Variants in ZNF540 observed in about 807,000 individuals in gnomAD.
ZNF540 encodes the protein zinc finger protein 540.
A neutral mutation model predicts 11.8 loss-of-function variants in ZNF540; 3 were observed. The observed-to-expected ratio is 0.25, with a 90% CI of 0.12 to 0.65. The LOEUF is 0.65. ZNF540 is among the 30% of genes least tolerant of loss of function. The probability of loss-of-function intolerance (pLI) is 0.83; values close to 1 mark genes in which losing one functional copy is unlikely to be tolerated. For missense variants in ZNF540, 709 were observed against 793.1 expected (o/e 0.89, Z 1.27); for synonymous variants, 247 against 259.0 (o/e 0.95, Z 0.45).
chr19:37,562,528 G>GCAC (rs1423127154), intron 1 of ZNF540: 1 of 152,110 alleles, frequency 6.6e-6, no homozygotes, highest in East Asian at 1.9e-4. Flanking sequence ...TGAGTTCTGT[G>GCAC]CACCAGATGC....
intron 1 of ZNF540, among the ~76,000 whole-genome samples, chr19:37,580,899 C>G (rs2043433371): frequency 6.6e-6 from 1 of 152,170 alleles, no homozygotes; most frequent in Non-Finnish European, 1.5e-5. Context: ...CCTCAGGTAT[C>G]CTTTATAGTA....
Position 37,599,269 on chromosome 19 carries a change from A to G in ZNF540, c.10-357A>G, listed in dbSNP as rs146542458. Among the ~76,000 whole-genome samples the G allele has an allele frequency of 4.9e-3, 739 of 152,278 alleles. 8 individuals carry two copies. Among genetic ancestry groups the G allele is most frequent in the African/African-American group, 0.017 (688 of 41,568 alleles). On this transcript the variant is annotated intron_variant, in intron 2 of 4. Transcript: ENST00000316433. ...TTAAGTGGTTTTTCTTAAAGTATTT[A>G]TTATTAAGTAATAATTTATTGAGAA...
chr19:37,605,686 G>C (rs1468950050), intron 4 of ZNF540, among the ~76,000 whole-genome samples: 1 of 152,076 alleles, frequency 6.6e-6, no homozygotes, highest in African/African-American at 2.4e-5. Context: ...TGGCTATATT[G>C]TTTGGCATTC....
chr19:37,565,859 G>A (rs1568341564), intron 1 of ZNF540: 2 of 1,613,866 alleles, frequency 1.2e-6, no homozygotes, highest in Non-Finnish European at 8.5e-7. Flanking sequence ...TTTCTCACCA[G>A]TCTGAATTCT....
At chr19:37,601,979 A>G (rs2044042923) in intron 4 of ZNF540, among the ~76,000 whole-genome samples, 1 of 152,220 alleles carries the variant, frequency 6.6e-6, no homozygotes, top group Non-Finnish European at 1.5e-5. Context: ...TTAAATGATC[A>G]CTGTAGATGC....
At chr19:37,591,979 C>T (rs2043881636), upstream of ZNF540, among the ~76,000 whole-genome samples, 1 of 151,948 alleles carries the variant, frequency 6.6e-6, no homozygotes, top group Non-Finnish European at 1.5e-5. Context: ...ATGAATGGGC[C>T]AGGCGCGGTG....
chr19:37,555,135 AG>A (rs2042646222), intron 1 of ZNF540: 1 of 152,236 alleles, frequency 6.6e-6, no homozygotes, highest in Non-Finnish European at 1.5e-5. Context: ...AGCTTGCACA[AG>A]TTAAGTCCTT....
In ZNF540 at chr19:37,564,753, C is replaced by G; in HGVS notation, c.-73+13088C>G. 1 of 1,613,690 alleles carries G rather than the reference C, an allele frequency of 6.2e-7. No homozygotes were observed. The highest frequency in any genetic ancestry group is 8.5e-7 in the Non-Finnish European group (1 of 1,179,748). On this transcript the variant is annotated intron_variant, in intron 1 of 4. Transcript: ENST00000592533. Reference sequence around the variant, plus strand: ...AAGGCCCTCCCACATTCCTTACATTCATAGGGTTTCTCTCCAGTATGAGTT... The same window carrying G: ...AAGGCCCTCCCACATTCCTTACATTGATAGGGTTTCTCTCCAGTATGAGTT...
upstream of ZNF540, among the ~76,000 whole-genome samples, chr19:37,593,125 GTTT>G (rs767668305): frequency 6.8e-6 from 1 of 146,532 alleles, no homozygotes; most frequent in African/African-American, 2.5e-5. Flanking sequence ...CTTATTGTTA[GTTT>G]TTTTTTTTAT....
Position 37,580,351 on chromosome 19 carries a change from T to C in ZNF540, c.-72-18025T>C, listed in dbSNP as rs530397208. Reference sequence around the variant, plus strand: ...CTTCACCATCACAGGATTTATTCACTGATTCCCATATTTTCAGGTTATACA... The same window carrying C: ...CTTCACCATCACAGGATTTATTCACCGATTCCCATATTTTCAGGTTATACA... On this transcript the variant is annotated intron_variant, in intron 1 of 4. Coordinates refer to the ZNF540 transcript ENST00000592533. Among the ~76,000 whole-genome samples, 18 of 152,374 alleles carry C rather than the reference T, an allele frequency of 1.2e-4. No homozygotes were observed. In the East Asian group the frequency reaches 3.3e-3, roughly 28 times the overall value.
At chr19:37,563,331 CAAAAAAA>C (rs999489995) in intron 1 of ZNF540, 1 of 142,934 alleles carries the variant, frequency 7.0e-6, no homozygotes, top group Admixed American at 7.0e-5. Context: ...GACCCTGTCT[CAAAAAAA>C]AAGAAAAAAA....
At chr19:37,571,310 CATG>C (rs2043043192) in intron 1 of ZNF540, among the ~76,000 whole-genome samples, 1 of 152,026 alleles carries the variant, frequency 6.6e-6, no homozygotes, top group Admixed American at 6.6e-5. Context: ...GCCTGGCCAA[CATG>C]GTGAAACTCC....
At chr19:37,577,441 T>G (rs2043280805) in intron 1 of ZNF540, among the ~76,000 whole-genome samples, 1 of 152,036 alleles carries the variant, frequency 6.6e-6, no homozygotes, top group Admixed American at 6.5e-5. Context: ...CAACATAAAG[T>G]ATAGGAGAAG....
At chr19:37,553,186 T>A (rs1251546759) in intron 1 of ZNF540, among the ~76,000 whole-genome samples, 1 of 118,004 alleles carries the variant, frequency 8.5e-6, no homozygotes, top group East Asian at 3.0e-4. Context: ...TAGGCTGGAG[T>A]GGAGTGGCAT....
At chr19:37,590,407 G>T (rs570971998), upstream of ZNF540, among the ~76,000 whole-genome samples, 1 of 150,226 alleles carries the variant, frequency 6.7e-6, no homozygotes, top group Admixed American at 6.7e-5. Context: ...ACAGAGTGAG[G>T]CTCCGTTTCA....
chr19:37,554,269 CCTTCA>C (rs1355138175), intron 1 of ZNF540, among the ~76,000 whole-genome samples: 1 of 152,206 alleles, frequency 6.6e-6, no homozygotes, highest in African/African-American at 2.4e-5. Flanking sequence ...ATCCTGCATG[CCTTCA>C]CTTAACGGCC....
At chr19:37,566,321 CT>C in intron 1 of ZNF540, 1 of 1,559,502 alleles carries the variant, frequency 6.4e-7, no homozygotes, top group African/African-American at 1.4e-5. Context: ...CAAATTCCTG[CT>C]TTTGTTTACA....
At chr19:37,552,481 TTC>T (rs1045794947) in intron 1 of ZNF540, among the ~76,000 whole-genome samples, 3 of 152,242 alleles carry the variant, frequency 2.0e-5, no homozygotes, top group Non-Finnish European at 4.4e-5. Context: ...CAAAATATGA[TTC>T]TGAGTTCATT....
chr19:37,598,364 C>T lies in ZNF540; in HGVS notation c.-72-12C>T. ...TAGTCTCACTGTCTCATTTTTTTCT[C>T]CTCTAACTCAGGCTTCTCAGAACTT... On this transcript the variant is annotated splice_polypyrimidine_tract_variant and intron_variant, in intron 1 of 4. Transcript: ENST00000316433. 7 of 1,450,172 alleles carry T rather than the reference C, an allele frequency of 4.8e-6. No individual in the cohort carries two copies. The highest frequency in any genetic ancestry group is 2.8e-5 in the African/African-American group (2 of 70,488). 89.8% of individuals were successfully genotyped at this position (1,450,172 alleles called of 1,614,324 possible).
Sources: allele counts gnomAD v4.1 joint callset (sites outside exome capture counted in the v4.1 genomes callset), GRCh38; gene constraint gnomAD v4.1.1; transcripts MANE v1.5; gene names NCBI Gene and HGNC (gene_info 2026-07-23, HGNC 2026-07-21).